CACNA1A: variants seen among roughly 807,000 people sequenced by gnomAD.
CACNA1A encodes voltage-dependent P/Q-type calcium channel subunit alpha-1A.
Under a neutral mutation model 262.4 loss-of-function variants are expected in CACNA1A, and 57 were observed. That is an observed-to-expected ratio of 0.22 (90% CI 0.18 to 0.27). The LOEUF (loss-of-function observed/expected upper bound fraction) is 0.27, where lower values mean the gene tolerates loss of function less well. CACNA1A is among the 10% of genes least tolerant of loss of function. CACNA1A has a pLI of 1.00. For missense variants in CACNA1A, 2,526 were observed against 3,562.8 expected (o/e 0.71, Z 7.41); for synonymous variants, 1,431 against 1,419.3 (o/e 1.01, Z -0.18).
At chr19:13,365,639 T>G (rs1599293157) in intron 4 of CACNA1A, 170 bp from the exon 5 acceptor site, 1 of 552,816 alleles carries the variant, frequency 1.8e-6, no homozygotes, top group Non-Finnish European at 3.2e-6. Flanking sequence ...ACACGGAGGC[T>G]GATCCTTATC....
chr19:13,231,652 C>T (rs2055670020), intron 35 of CACNA1A, 58 bp downstream of exon 35: 1 of 1,552,510 alleles, frequency 6.4e-7, no homozygotes, highest in Admixed American at 1.9e-5. Flanking sequence ...ACCCACTCCC[C>T]TGAAAGGAAG....
rs2060219738 is a variant in CACNA1A at position 13,416,265 on chromosome 19, TA to T, written c.539+36610del. Among the ~76,000 whole-genome samples, 3 of 139,318 alleles carry T rather than the reference TA, an allele frequency of 2.2e-5. No homozygotes were observed. In the South Asian group the frequency reaches 7.1e-4, roughly 33 times the overall value. 91.4% of individuals were successfully genotyped at this position (139,318 alleles called of 152,430 possible). ...ACAGGCCTGCACCACCACGCCTGGC[TA>T]ATTTATTTTTATTTTTTATAGAGAT... On this transcript the variant is annotated intron_variant, in intron 3 of 46. Coordinates refer to ENST00000360228, the MANE Select transcript of CACNA1A (RefSeq NM_001127222.2).
At chr19:13,368,756 T>TAACAGATGCAGTGTGGTGCAGTGGTTAA (rs1435898660) in intron 4 of CACNA1A, among the ~76,000 whole-genome samples, 13 of 148,196 alleles carry the variant, frequency 8.8e-5, no homozygotes, top group East Asian at 4.0e-4. Context: ...ATGTGGGTGC[T>TAACAGATGCAGTGTGGTGCAGTGGTTAA]GGCCGGGCGC....
At chr19:13,231,548 G>T (rs1237675447) in intron 35 of CACNA1A, among the ~76,000 whole-genome samples, 162 bp downstream of exon 35, 1 of 152,090 alleles carries the variant, frequency 6.6e-6, no homozygotes, top group Non-Finnish European at 1.5e-5. Context: ...TGTCAACAGT[G>T]CTGAGTTTGA....
chr19:13,356,682 C>T (rs921139900), intron 6 of CACNA1A, among the ~76,000 whole-genome samples: 1 of 152,152 alleles, frequency 6.6e-6, no homozygotes, highest in Non-Finnish European at 1.5e-5. Context: ...TTTTTCAGCT[C>T]CCATTCCCCA....
intron 31 of CACNA1A, 198 bp downstream of exon 31, chr19:13,244,984 C>T (rs2056187817): frequency 1.2e-5 from 7 of 593,194 alleles, no homozygotes; most frequent in Admixed American, 8.8e-5. Context: ...TTTGGTTACC[C>T]CCATCTCCCC....
At chr19:13,460,234 C>T (rs138381686) in intron 1 of CACNA1A, among the ~76,000 whole-genome samples, 1,626 of 152,206 alleles carry the variant, frequency 0.011, 13 homozygotes, top group Non-Finnish European at 0.017. Flanking sequence ...AAAAAGATCG[C>T]CAGGGGATTT....
intron 27 of CACNA1A, chr19:13,258,882 A>G (rs1262278503): frequency 6.6e-6 from 1 of 152,144 alleles, no homozygotes; most frequent in Non-Finnish European, 1.5e-5. Flanking sequence ...CCAATATTTT[A>G]AAAAATCAAA....
chr19:13,481,207 A>C (rs892416653), intron 1 of CACNA1A, among the ~76,000 whole-genome samples: 7 of 152,208 alleles, frequency 4.6e-5, no homozygotes. Context: ...AGGCACGGGA[A>C]GGTGAAGTCA....
chr19:13,454,946 G>A (rs981386583), intron 2 of CACNA1A, among the ~76,000 whole-genome samples, 161 bp downstream of exon 2: 3 of 151,966 alleles, frequency 2.0e-5, no homozygotes, highest in African/African-American at 7.3e-5. Context: ...GTGACAGAGC[G>A]AGACTCTGGT....
intron 5 of CACNA1A, chr19:13,363,543 C>T (rs1380972020): frequency 2.6e-5 from 4 of 151,494 alleles, no homozygotes; most frequent in African/African-American, 9.7e-5. Flanking sequence ...AAACCTCCAA[C>T]CATTGCAAAT....
At chr19:13,320,933 G>A (rs990446205) in intron 10 of CACNA1A, among the ~76,000 whole-genome samples, 12 of 151,398 alleles carry the variant, frequency 7.9e-5, no homozygotes, top group African/African-American at 1.5e-4. Context: ...CCAGCCGGAC[G>A]TGTTATTATG....
intron 34 of CACNA1A, among the ~76,000 whole-genome samples, chr19:13,233,391 AT>A (rs1180758257): frequency 6.6e-6 from 1 of 152,246 alleles, no homozygotes; most frequent in Non-Finnish European, 1.5e-5. Flanking sequence ...CAATTTAACC[AT>A]TTTGAAGTGT....
chr19:13,310,475 AAAAAAAAAAAAAAAATATAT>A (rs1568521298), intron 12 of CACNA1A, among the ~76,000 whole-genome samples: 4 of 42,176 alleles, frequency 9.5e-5, no homozygotes, highest in African/African-American at 5.3e-4. Flanking sequence ...AAAAAAAAAA[AAAAAAAAAAAAAAAATATAT>A]ATATATATAT....
At chr19:13,328,234 C>T (rs945589020) in intron 10 of CACNA1A, among the ~76,000 whole-genome samples, 4 of 152,260 alleles carry the variant, frequency 2.6e-5, no homozygotes, top group African/African-American at 4.8e-5. Context: ...ATGGAGGTAA[C>T]GTAACACGTG....
chr19:13,497,737 T>A (rs1039966733), intron 1 of CACNA1A, among the ~76,000 whole-genome samples: 5 of 150,392 alleles, frequency 3.3e-5, no homozygotes, highest in Admixed American at 6.6e-5. Context: ...AGTGAGACTC[T>A]GACTCAAAAT....
At chr19:13,326,681 T>C (rs4275965) in intron 10 of CACNA1A, among the ~76,000 whole-genome samples, 36,951 of 150,602 alleles carry the variant, frequency 0.25, 5,684 homozygotes, top group African/African-American at 0.44. Flanking sequence ...CCCAGCTACT[T>C]GGGAGGCTGA....
chr19:13,209,766 G>T (rs773243254), intron 44 of CACNA1A, among the ~76,000 whole-genome samples: 3 of 152,186 alleles, frequency 2.0e-5, no homozygotes, highest in East Asian at 3.9e-4. Flanking sequence ...CCTGGGTTCT[G>T]ACCAGAAAGA....
chr19:13,478,702 G>T (rs775682613), intron 1 of CACNA1A, among the ~76,000 whole-genome samples: 40 of 152,178 alleles, frequency 2.6e-4, no homozygotes, highest in Non-Finnish European at 5.1e-4. Flanking sequence ...TGGCCCAAAC[G>T]AGAATCAACA....
Sources: allele counts gnomAD v4.1 joint callset (sites outside exome capture counted in the v4.1 genomes callset), GRCh38; gene constraint gnomAD v4.1.1; transcripts MANE v1.5; gene names NCBI Gene and HGNC (gene_info 2026-07-23, HGNC 2026-07-21).